The following CNTNAP2 variants were observed in gnomAD, a reference collection of about 807,000 sequenced individuals.
CNTNAP2 encodes the protein contactin associated protein 2.
In CNTNAP2, 98 loss-of-function variants were observed where a neutral mutation model predicts 155.2. The ratio of observed to expected loss-of-function variants is 0.63; its 90% CI spans 0.54 to 0.75. The LOEUF (loss-of-function observed/expected upper bound fraction) is 0.75, where lower values mean the gene tolerates loss of function less well. CNTNAP2 is among the 30% of genes least tolerant of loss of function. The pLI is 0.00. For missense variants in CNTNAP2, 1,727 were observed against 1,688.1 expected (o/e 1.02, Z -0.40); for synonymous variants, 651 against 631.2 (o/e 1.03, Z -0.47).
intron 9 of CNTNAP2, among the ~76,000 whole-genome samples, chr7:147,387,278 T>C (rs1796640323): frequency 2.0e-5 from 3 of 152,324 alleles, no homozygotes; most frequent in African/African-American, 4.8e-5. Flanking sequence ...CTAACAATCA[T>C]AATTATATCT....
intron 1 of CNTNAP2, among the ~76,000 whole-genome samples, chr7:146,236,734 T>C (rs1475045684): frequency 6.6e-6 from 1 of 152,188 alleles, no homozygotes; most frequent in Non-Finnish European, 1.5e-5. Context: ...GATCCCTTGA[T>C]ATGATTATAT....
chr7:147,696,192 A>G (rs1796158751), intron 13 of CNTNAP2, among the ~76,000 whole-genome samples: 1 of 152,154 alleles, frequency 6.6e-6, no homozygotes, highest in Non-Finnish European at 1.5e-5. Context: ...ATATCGATGT[A>G]GTTCAATTAA....
intron 3 of CNTNAP2, among the ~76,000 whole-genome samples, chr7:146,946,111 CTTCCTTCCTTCT>C (rs1797167914): frequency 6.7e-6 from 1 of 149,386 alleles, no homozygotes; most frequent in Non-Finnish European, 1.5e-5. Flanking sequence ...TCTTTCCTTC[CTTCCTTCCTTCT>C]TTCCTTCCTT....
chr7:147,069,205 G>A (rs938815038), intron 4 of CNTNAP2, among the ~76,000 whole-genome samples: 3 of 152,126 alleles, frequency 2.0e-5, no homozygotes, highest in African/African-American at 7.2e-5. Context: ...TCCAACATTA[G>A]GAATTACATT....
chr7:146,760,159 C>G (rs368805495), intron 1 of CNTNAP2, among the ~76,000 whole-genome samples: 1 of 152,026 alleles, frequency 6.6e-6, no homozygotes, highest in Non-Finnish European at 1.5e-5. Flanking sequence ...TGAGCCAAAC[C>G]TCCTATTTTA....
Position 148,249,584 on chromosome 7 carries a change from C to G in CNTNAP2, c.3382-17449C>G, listed in dbSNP as rs147355586. ...CTGACTCCCAGATATCTAACTGATT[C>G]TTGATGTCTGATAAACACTCCGAAC... On this transcript the variant is annotated intron_variant, in intron 20 of 23. Coordinates refer to ENST00000361727, the MANE Select transcript of CNTNAP2 (RefSeq NM_014141.6). 3.3e-5 allele frequency among the ~76,000 whole-genome samples: 5 copies of G among 152,324 alleles called. No homozygotes were observed. The East Asian group carries it at 5.8e-4, about 18-fold the overall frequency.
intron 9 of CNTNAP2, among the ~76,000 whole-genome samples, chr7:147,344,728 G>A (rs1795820814): frequency 6.6e-6 from 1 of 152,062 alleles, no homozygotes; most frequent in Non-Finnish European, 1.5e-5. Flanking sequence ...TTCTTTAAAG[G>A]ATTAACAGCA....
chr7:146,516,860 C>T (rs1240970432), intron 1 of CNTNAP2, among the ~76,000 whole-genome samples: 6 of 151,944 alleles, frequency 3.9e-5, no homozygotes, highest in Admixed American at 3.9e-4. Flanking sequence ...CAAAACGAAA[C>T]TCCTTCGCAA....
At chr7:146,474,413 ATT>A (rs11291888) in intron 1 of CNTNAP2, among the ~76,000 whole-genome samples, 73 of 144,322 alleles carry the variant, frequency 5.1e-4, no homozygotes, top group African/African-American at 1.4e-3. Flanking sequence ...ATTTATTTGT[ATT>A]TTTTTTTTTT....
chr7:147,738,809 C>T (rs2140809), intron 13 of CNTNAP2, among the ~76,000 whole-genome samples: 118,789 of 151,872 alleles, frequency 0.78, 46,640 homozygotes, highest in East Asian at 0.99. Flanking sequence ...CATGTGCCAC[C>T]GTGCACAGCT....
At chr7:146,639,202 A>G (rs1054251489) in intron 1 of CNTNAP2, among the ~76,000 whole-genome samples, 1 of 152,232 alleles carries the variant, frequency 6.6e-6, no homozygotes, top group African/African-American at 2.4e-5. Context: ...AAAGGCTAAC[A>G]TACCAATTTA....
intron 1 of CNTNAP2, among the ~76,000 whole-genome samples, chr7:146,648,994 A>G (rs1799861865): frequency 6.6e-6 from 1 of 152,060 alleles, no homozygotes; most frequent in African/African-American, 2.4e-5. Flanking sequence ...AAGAAGACAG[A>G]AAAAAATTTT....
intron 12 of CNTNAP2, among the ~76,000 whole-genome samples, chr7:147,563,914 A>G (rs2116793096): frequency 6.6e-6 from 1 of 152,298 alleles, no homozygotes; most frequent in East Asian, 1.9e-4. Flanking sequence ...AGTATCAGGA[A>G]GCCAGGCATG....
chr7:147,858,543 C>T (rs1781133779), intron 13 of CNTNAP2, among the ~76,000 whole-genome samples: 1 of 152,100 alleles, frequency 6.6e-6, no homozygotes, highest in Non-Finnish European at 1.5e-5. Flanking sequence ...TGTGTCACTG[C>T]CAAAGAAGAT....
intron 1 of CNTNAP2, among the ~76,000 whole-genome samples, chr7:146,711,574 A>G (rs1205806100): frequency 6.7e-6 from 1 of 149,490 alleles, no homozygotes; most frequent in Non-Finnish European, 1.5e-5. Context: ...ACCATACTGT[A>G]TTCAAAACAA....
chr7:148,297,586 G>A (rs1465788261), intron 21 of CNTNAP2, among the ~76,000 whole-genome samples: 1 of 152,068 alleles, frequency 6.6e-6, no homozygotes, highest in African/African-American at 2.4e-5. Flanking sequence ...GGTGATTTGG[G>A]GAGAGTTAAA....
chr7:148,152,913 C>T (rs552196831), intron 17 of CNTNAP2, among the ~76,000 whole-genome samples: 59 of 141,466 alleles, frequency 4.2e-4, no homozygotes, highest in Non-Finnish European at 6.7e-4. Context: ...CCCAGCTACT[C>T]GGGAGGCTGA....
chr7:147,895,911 C>T (rs1799768734), intron 13 of CNTNAP2, among the ~76,000 whole-genome samples: 2 of 152,210 alleles, frequency 1.3e-5, no homozygotes, highest in African/African-American at 4.8e-5. Flanking sequence ...TCCTTTCTCT[C>T]TGGAATACGT....
intron 14 of CNTNAP2, among the ~76,000 whole-genome samples, chr7:147,934,618 C>T (rs933146273): frequency 3.3e-5 from 5 of 152,112 alleles, no homozygotes; most frequent in African/African-American, 1.2e-4. Context: ...ATCTGAGAGC[C>T]TATACTTCAA....
Sources: gnomAD v4.1 joint callset for allele counts (sites outside exome capture counted in the v4.1 genomes callset) on GRCh38, gnomAD v4.1.1 for gene constraint, MANE v1.5 for transcripts, NCBI Gene and HGNC (gene_info 2026-07-23, HGNC 2026-07-21) for gene names.